Variants in CNTNAP2 observed in about 807,000 individuals in gnomAD.
The protein encoded by CNTNAP2 is contactin-associated protein-like 2.
CNTNAP2 carries 98 observed loss-of-function variants against 155.2 expected under a neutral mutation model. The observed-to-expected ratio is 0.63, with a 90% CI of 0.54 to 0.75. The LOEUF (loss-of-function observed/expected upper bound fraction) is 0.75. Ranked by LOEUF, CNTNAP2 falls within the 30% of genes least tolerant of loss-of-function variation. The pLI, the probability that CNTNAP2 is intolerant of heterozygous loss-of-function variation, is 0.00. For missense variants in CNTNAP2, 1,727 were observed against 1,688.1 expected, an observed-to-expected ratio of 1.02 and a Z score of -0.40; for synonymous variants, 651 against 631.2, an observed-to-expected ratio of 1.03 and a Z score of -0.47.
chr7:147,854,824 A>G (rs1799009878), intron 13 of CNTNAP2, among the ~76,000 whole-genome samples: 4 of 152,362 alleles, frequency 2.6e-5, no homozygotes, highest in Admixed American at 1.3e-4. Context: ...CATAAGCTAC[A>G]TGGAACCTAA....
At chr7:146,721,461 TTATATACATTCTATATATATTC>T (rs1563203616) in intron 1 of CNTNAP2, among the ~76,000 whole-genome samples, 12 of 107,264 alleles carry the variant, frequency 1.1e-4, no homozygotes, top group Non-Finnish European at 2.0e-4. Flanking sequence ...TATATACATT[TTATATACATTCTATATATATTC>T]TATATACATT....
intron 3 of CNTNAP2, among the ~76,000 whole-genome samples, chr7:146,981,434 C>A (rs1336362889): frequency 6.6e-6 from 1 of 152,164 alleles, no homozygotes; most frequent in Non-Finnish European, 1.5e-5. Context: ...AATAAACTTG[C>A]ATAAATTCTC....
intron 15 of CNTNAP2, among the ~76,000 whole-genome samples, chr7:147,995,323 G>T (rs1245470771): frequency 6.6e-6 from 1 of 152,096 alleles, no homozygotes; most frequent in Non-Finnish European, 1.5e-5. Context: ...GCCATGGGAA[G>T]CACTTCTCCA....
intron 3 of CNTNAP2, among the ~76,000 whole-genome samples, chr7:146,939,632 T>C (rs189812449): frequency 1.2e-3 from 176 of 151,710 alleles, no homozygotes; most frequent in African/African-American, 3.3e-3. Flanking sequence ...TTTTCCTTCA[T>C]TATACTTCAT....
At chr7:147,252,833 T>A (rs145098930) in intron 8 of CNTNAP2, among the ~76,000 whole-genome samples, 206 of 152,338 alleles carry the variant, frequency 1.4e-3, no homozygotes, top group Non-Finnish European at 2.6e-3. Context: ...GGTACAAGAA[T>A]TATCCCCATT....
At chr7:148,221,120 T>C (rs1337835154) in intron 19 of CNTNAP2, among the ~76,000 whole-genome samples, 1 of 152,152 alleles carries the variant, frequency 6.6e-6, no homozygotes, top group Non-Finnish European at 1.5e-5. Context: ...CACCTGCCAC[T>C]GCTGTGCCCT....
At chr7:147,404,528 C>T (rs1335536002) in intron 10 of CNTNAP2, among the ~76,000 whole-genome samples, 3 of 152,150 alleles carry the variant, frequency 2.0e-5, no homozygotes, top group Non-Finnish European at 4.4e-5. Flanking sequence ...TTGCAAATCG[C>T]TATGCTCTAT....
intron 3 of CNTNAP2, among the ~76,000 whole-genome samples, chr7:146,939,830 T>G (rs1489254816): frequency 6.6e-6 from 1 of 152,216 alleles, no homozygotes; most frequent in African/African-American, 2.4e-5. Flanking sequence ...GAAACCAAAA[T>G]GCATTAAAGG....
At position 147,376,875 on chromosome 7, in the gene CNTNAP2, A is replaced by G. The variant is rs113331648; in HGVS notation, c.1499-18734A>G. On this transcript the variant is annotated intron_variant, in intron 9 of 23. Transcript: ENST00000361727. The stretch of plus-strand genomic sequence containing the variant: ...CAAATGATCTCAATACGTTTATACT[A>G]TAGCACTAAGATTGGTATATGATTG... Among the ~76,000 whole-genome samples the G allele has an allele frequency of 5.1e-4, 78 of 152,130 alleles. 1 individual carries two copies. Among genetic ancestry groups the G allele is most frequent in the African/African-American group, 1.6e-3 (65 of 41,550 alleles).
chr7:146,620,435 C>T (rs1207626478), intron 1 of CNTNAP2, among the ~76,000 whole-genome samples: 8 of 152,080 alleles, frequency 5.3e-5, no homozygotes, highest in Admixed American at 4.6e-4. Context: ...TTAATGATAG[C>T]CTTGAAATCC....
At chr7:148,366,298 A>ATATG (rs145499123) in intron 21 of CNTNAP2, among the ~76,000 whole-genome samples, 21 of 150,208 alleles carry the variant, frequency 1.4e-4, no homozygotes, top group Non-Finnish European at 2.7e-4. Flanking sequence ...GTACATGTAT[A>ATATG]TATGTATGTA....
chr7:147,225,801 A>AGG (rs1260968781), intron 8 of CNTNAP2, among the ~76,000 whole-genome samples: 23 of 125,064 alleles, frequency 1.8e-4, no homozygotes, highest in Non-Finnish European at 3.2e-4. Flanking sequence ...GAAGGAAGGA[A>AGG]AGAAAGAAAG....
At chr7:147,656,576 A>G (rs1795528063) in intron 13 of CNTNAP2, among the ~76,000 whole-genome samples, 1 of 152,202 alleles carries the variant, frequency 6.6e-6, no homozygotes, top group South Asian at 2.1e-4. Context: ...GAACTCACAT[A>G]ATTATCAATT....
chr7:147,690,095 T>C (rs968478739), intron 13 of CNTNAP2, among the ~76,000 whole-genome samples: 4 of 152,100 alleles, frequency 2.6e-5, no homozygotes, highest in African/African-American at 9.7e-5. Flanking sequence ...AAGAATCTTA[T>C]TGCCTCCTTT....
chr7:147,297,972 G>C (rs1468900482), intron 8 of CNTNAP2, among the ~76,000 whole-genome samples: 1 of 152,168 alleles, frequency 6.6e-6, no homozygotes, highest in Non-Finnish European at 1.5e-5. Flanking sequence ...GTAGACCAGA[G>C]ATGATAGTGG....
chr7:146,207,836 T>G (rs898268819), intron 1 of CNTNAP2, among the ~76,000 whole-genome samples: 6 of 151,982 alleles, frequency 3.9e-5, no homozygotes. Context: ...ATTATATAGT[T>G]TAAATTACTT....
intron 3 of CNTNAP2, among the ~76,000 whole-genome samples, chr7:146,981,256 A>G (rs935834221): frequency 6.6e-6 from 1 of 152,216 alleles, no homozygotes; most frequent in Non-Finnish European, 1.5e-5. Flanking sequence ...ACTTATTGGA[A>G]GAAATAAGAT....
At chr7:147,889,850 G>T (rs1799658282) in intron 13 of CNTNAP2, among the ~76,000 whole-genome samples, 1 of 152,124 alleles carries the variant, frequency 6.6e-6, no homozygotes, top group South Asian at 2.1e-4. Context: ...ATTAATAACT[G>T]TGAGTCAATG....
At chr7:146,214,244 G>A (rs1261823506) in intron 1 of CNTNAP2, among the ~76,000 whole-genome samples, 1 of 152,136 alleles carries the variant, frequency 6.6e-6, no homozygotes, top group Non-Finnish European at 1.5e-5. Flanking sequence ...GACTAAATAA[G>A]ATCATGTAAA....
Sources: allele counts gnomAD v4.1 joint callset (sites outside exome capture counted in the v4.1 genomes callset), GRCh38; gene constraint gnomAD v4.1.1; transcripts MANE v1.5; gene names NCBI Gene and HGNC (gene_info 2026-07-23, HGNC 2026-07-21).